Variants in JARID2 observed in about 807,000 individuals in gnomAD.
JARID2 encodes protein Jumonji.
In JARID2, 21 loss-of-function variants were observed where a neutral mutation model predicts 125.6. That is an observed-to-expected ratio of 0.17 (90% CI 0.12 to 0.24). The LOEUF (loss-of-function observed/expected upper bound fraction) is 0.24, where lower values mean the gene tolerates loss of function less well. Among genes scored for constraint, JARID2 ranks in the 10% least tolerant of loss-of-function variants. The pLI, the probability that JARID2 is intolerant of heterozygous loss-of-function variation, is 1.00. For missense variants in JARID2, 1,303 were observed against 1,639.6 expected (o/e 0.79, Z 3.55); for synonymous variants, 736 against 661.6 (o/e 1.11, Z -1.73).
At chr6:15,340,981 T>TA (rs1191992469) in intron 1 of JARID2, among the ~76,000 whole-genome samples, 1 of 152,194 alleles carries the variant, frequency 6.6e-6, no homozygotes, top group Non-Finnish European at 1.5e-5. Flanking sequence ...GCGGTGCTAA[T>TA]ACACTTTCTA....
At chr6:15,389,067 A>G (rs1764903182) in intron 2 of JARID2, among the ~76,000 whole-genome samples, 1 of 152,174 alleles carries the variant, frequency 6.6e-6, no homozygotes, top group Admixed American at 6.5e-5. Context: ...GTCTGCTTTT[A>G]GCTTTCCATG....
intron 4 of JARID2, among the ~76,000 whole-genome samples, chr6:15,463,162 T>G (rs543468748): frequency 6.6e-6 from 1 of 152,332 alleles, no homozygotes; most frequent in East Asian, 1.9e-4. Flanking sequence ...CTATATTGAC[T>G]ATACTTTTAT....
At chr6:15,282,381 T>C (rs1760786712) in intron 1 of JARID2, among the ~76,000 whole-genome samples, 1 of 152,242 alleles carries the variant, frequency 6.6e-6, no homozygotes, top group Admixed American at 6.5e-5. Flanking sequence ...CTTTGGTTTT[T>C]GCTAATAAAT....
chr6:15,376,711 G>A (rs1165343692), intron 2 of JARID2, among the ~76,000 whole-genome samples: 2 of 152,158 alleles, frequency 1.3e-5, no homozygotes, highest in Admixed American at 6.5e-5. Flanking sequence ...GCAACAGAGC[G>A]AGACTCTCTC....
intron 4 of JARID2, among the ~76,000 whole-genome samples, chr6:15,456,642 C>T (rs952984933): frequency 1.5e-4 from 23 of 151,860 alleles, no homozygotes; most frequent in Non-Finnish European, 2.6e-4. Context: ...CTCTACAAAC[C>T]CCAAATGACA....
chr6:15,430,395 T>C (rs765355570), intron 3 of JARID2, among the ~76,000 whole-genome samples: 1 of 152,214 alleles, frequency 6.6e-6, no homozygotes, highest in Non-Finnish European at 1.5e-5. Flanking sequence ...AAGGAAAACA[T>C]TTAAACAGAA....
chr6:15,449,147 C>T (rs1767805179), intron 3 of JARID2, among the ~76,000 whole-genome samples: 1 of 152,236 alleles, frequency 6.6e-6, no homozygotes, highest in East Asian at 1.9e-4. Context: ...GGCTTCTGGT[C>T]TGTCATGACT....
intron 8 of JARID2, among the ~76,000 whole-genome samples, chr6:15,502,443 C>G (rs1173914633): frequency 2.6e-5 from 4 of 152,230 alleles, no homozygotes; most frequent in African/African-American, 9.6e-5. Context: ...CCTCGTGAGC[C>G]TGGTGGGAGT....
chr6:15,251,961 G>A (rs1759473789), intron 1 of JARID2, among the ~76,000 whole-genome samples: 1 of 152,138 alleles, frequency 6.6e-6, no homozygotes, highest in Non-Finnish European at 1.5e-5. Context: ...GCAGTGAGCC[G>A]CTTGAACCTG....
chr6:15,311,420 A>G (rs919396394), intron 1 of JARID2, among the ~76,000 whole-genome samples: 8 of 152,236 alleles, frequency 5.3e-5, no homozygotes, highest in Admixed American at 4.6e-4. Flanking sequence ...TCTACTAAAA[A>G]TACAAAATTA....
At chr6:15,449,942 AGT>A (rs1308243731) in intron 3 of JARID2, among the ~76,000 whole-genome samples, 2 of 152,136 alleles carry the variant, frequency 1.3e-5, no homozygotes. Flanking sequence ...ATATTTCGGG[AGT>A]GTGGAGGATT....
intron 4 of JARID2, among the ~76,000 whole-genome samples, chr6:15,462,366 T>G (rs530026597): frequency 6.6e-6 from 1 of 152,332 alleles, no homozygotes; most frequent in Non-Finnish European, 1.5e-5. Flanking sequence ...TAGGGAAGTT[T>G]GTGTTTACAT....
chr6:15,362,241 G>C (rs1374119201), intron 1 of JARID2, among the ~76,000 whole-genome samples: 1 of 152,056 alleles, frequency 6.6e-6, no homozygotes, highest in Non-Finnish European at 1.5e-5. Context: ...GTGTTATTGA[G>C]GTCTTCTCTC....
At chr6:15,511,549 A>G in intron 13 of JARID2, 148 bp downstream of exon 13, 1 of 636,576 alleles carries the variant, frequency 1.6e-6, no homozygotes, top group East Asian at 2.7e-5. Context: ...CTCTGACACA[A>G]AAGCCAAACT....
chr6:15,274,312 G>A (rs1298004960), intron 1 of JARID2, among the ~76,000 whole-genome samples: 1 of 152,146 alleles, frequency 6.6e-6, no homozygotes, highest in East Asian at 1.9e-4. Context: ...TTTGGGGGAT[G>A]TCTTTAATGT....
intron 2 of JARID2, among the ~76,000 whole-genome samples, chr6:15,409,771 C>T (rs1488321994): frequency 6.6e-6 from 1 of 152,160 alleles, no homozygotes; most frequent in Non-Finnish European, 1.5e-5. Context: ...GATGTAGCTG[C>T]AAAGATAAGG....
intron 1 of JARID2, among the ~76,000 whole-genome samples, chr6:15,255,878 G>C (rs773446052): frequency 4.6e-5 from 7 of 152,188 alleles, no homozygotes; most frequent in South Asian, 2.1e-4. Flanking sequence ...AAATGCCTCA[G>C]ATTTGGACAG....
chr6:15,496,499 G>A lies in JARID2; in HGVS notation c.1274G>A (p.Arg425Gln), dbSNP rs573872359. Residue 425 changes from arginine (R) to glutamine (Q), a missense_variant, in exon 7 of 18, where the codon CGG becomes CAG. Coordinates refer to ENST00000341776, the MANE Select transcript of JARID2 (RefSeq NM_004973.4). Reference protein sequence around the residue: ...PKSCTKEVGGRQLREGLQLRE... With the variant: ...PKSCTKEVGGQQLREGLQLRE... ...TCATGCACTAAGGAGGTGGGGGGGCGGCAGCTGCGGGAGGGCCTGCAGCTG... is the reference window on the plus strand; with the variant it reads ...TCATGCACTAAGGAGGTGGGGGGGCAGCAGCTGCGGGAGGGCCTGCAGCTG... The A allele has an allele frequency of 6.8e-6, 11 of 1,607,512 alleles. No homozygotes were observed. The highest frequency in any genetic ancestry group is 6.6e-5 in the South Asian group (6 of 90,258).
In JARID2 at chr6:15,496,441, G is replaced by A. The variant is rs376486188; in HGVS notation, c.1216G>A (p.Gly406Ser). The change falls in exon 7 of 18, where the codon GGC (glycine) becomes AGC (serine). Residue 406 changes from glycine (G) to serine (S), a missense_variant. Coordinates refer to ENST00000341776, the MANE Select transcript of JARID2 (RefSeq NM_004973.4). ...ASKSTGPAVN[G>S]LKVSGRLNPK... ...CAAGTCCACTGGGCCCGCCGTCAATGGCCTCAAGGTCAGTGGCAGGTTGAA... is the reference window on the plus strand; with the variant it reads ...CAAGTCCACTGGGCCCGCCGTCAATAGCCTCAAGGTCAGTGGCAGGTTGAA... 27 of 1,613,776 alleles carry A rather than the reference G, an allele frequency of 1.7e-5. No individual in the cohort carries two copies. The highest frequency in any genetic ancestry group is 5.0e-5 in the Admixed American group (3 of 60,030).
Sources: gnomAD v4.1 joint callset for allele counts (sites outside exome capture counted in the v4.1 genomes callset) on GRCh38, gnomAD v4.1.1 for gene constraint, MANE v1.5 for transcripts, NCBI Gene and HGNC (gene_info 2026-07-23, HGNC 2026-07-21) for gene names.